Variants in DNAAF11 observed in about 807,000 individuals in gnomAD.
DNAAF11 encodes dynein axonemal assembly factor 11, also known as leucine rich repeat containing 6.
In DNAAF11, 45 loss-of-function variants were observed where a neutral mutation model predicts 60.8. The ratio of observed to expected loss-of-function variants is 0.74; its 90% CI spans 0.58 to 0.95. The LOEUF (loss-of-function observed/expected upper bound fraction) is 0.95, where lower values mean the gene tolerates loss of function less well. Ranked by LOEUF, DNAAF11 falls within the 40% of genes least tolerant of loss-of-function variation. The pLI is 0.00. For missense variants in DNAAF11, 546 were observed against 546.2 expected (o/e 1.00, Z 0.00); for synonymous variants, 191 against 183.5 (o/e 1.04, Z -0.33).
At chr8:132,583,568 C>A in intron 11 of DNAAF11, 126 bp downstream of exon 11, 1 of 723,680 alleles carries the variant, frequency 1.4e-6, no homozygotes, top group Non-Finnish European at 2.4e-6. Context: ...TAAACATTAA[C>A]ATTCATGGTA....
intron 10 of DNAAF11, among the ~76,000 whole-genome samples, chr8:132,594,867 C>A (rs752583758): frequency 1.3e-5 from 2 of 152,078 alleles, no homozygotes; most frequent in Non-Finnish European, 2.9e-5. Context: ...AGTGTGAGAA[C>A]GGACTAACAA....
intron 5 of DNAAF11, among the ~76,000 whole-genome samples, chr8:132,626,794 C>T (rs959680846): frequency 1.3e-5 from 2 of 152,136 alleles, no homozygotes; most frequent in African/African-American, 2.4e-5. Flanking sequence ...ATAGTAGGTA[C>T]TCAATACATG....
intron 5 of DNAAF11, among the ~76,000 whole-genome samples, chr8:132,630,737 C>A (rs1029439460): frequency 3.3e-5 from 5 of 151,934 alleles, no homozygotes; most frequent in East Asian, 3.9e-4. Context: ...ATAGAGGATA[C>A]CTGAATAACC....
chr8:132,681,011 T>TTTTTTTC, the DNAAF11 span, among the ~76,000 whole-genome samples: 1 of 106,354 alleles, frequency 9.4e-6, no homozygotes, highest in South Asian at 3.7e-4. Flanking sequence ...TCCTTTTTTT[T>TTTTTTTC]TTTTTTTTTT....
At chr8:132,635,129 C>T (rs1040166182) in intron 4 of DNAAF11, among the ~76,000 whole-genome samples, 3 of 152,150 alleles carry the variant, frequency 2.0e-5, no homozygotes, top group Non-Finnish European at 4.4e-5. Context: ...CTAGGAACCT[C>T]ACTTTTTTAG....
At chr8:132,675,580 C>T (rs1372476126), upstream of DNAAF11, 5 of 1,375,364 alleles carry the variant, frequency 3.6e-6, no homozygotes, top group Admixed American at 4.9e-5. Flanking sequence ...CTCAGCGCGT[C>T]CCCGTCGGAA....
intron 1 of DNAAF11, 100 bp from the exon 2 acceptor site, chr8:132,661,727 A>G (rs756528452): frequency 9.5e-6 from 12 of 1,261,246 alleles, no homozygotes; most frequent in Non-Finnish European, 1.4e-5. Flanking sequence ...TTGTTTTTGC[A>G]GTTGAATGTC....
At chr8:132,679,802 A>T (rs1825839206), upstream of DNAAF11, among the ~76,000 whole-genome samples, 1 of 152,158 alleles carries the variant, frequency 6.6e-6, no homozygotes, top group South Asian at 2.1e-4. Flanking sequence ...GTAAGACATG[A>T]CTTGCTCTTC....
chr8:132,642,174 T>C (rs1821923238), intron 3 of DNAAF11, among the ~76,000 whole-genome samples: 1 of 152,240 alleles, frequency 6.6e-6, no homozygotes, highest in African/African-American at 2.4e-5. Flanking sequence ...GTTGTAAGTA[T>C]GCTCCAGGTA....
upstream of DNAAF11, among the ~76,000 whole-genome samples, chr8:132,676,887 T>C (rs577058535): frequency 3.9e-5 from 6 of 152,266 alleles, no homozygotes; most frequent in South Asian, 1.2e-3. Context: ...CAAGGAGGCC[T>C]CCCAAAAGGC....
chr8:132,670,116 A>T (rs1415670760), intron 1 of DNAAF11, among the ~76,000 whole-genome samples: 1 of 152,094 alleles, frequency 6.6e-6, no homozygotes, highest in Non-Finnish European at 1.5e-5. Flanking sequence ...GAACAAATTA[A>T]ACCCAAAATA....
intron 3 of DNAAF11, among the ~76,000 whole-genome samples, chr8:132,653,414 A>G (rs1022714844): frequency 3.3e-5 from 5 of 152,112 alleles, no homozygotes; most frequent in African/African-American, 1.2e-4. Context: ...CTGAAATGAA[A>G]AGACACTAGG....
chr8:132,632,988 T>A, intron 4 of DNAAF11, 25 bp from the exon 5 acceptor site: 2 of 1,524,052 alleles, frequency 1.3e-6, no homozygotes, highest in Non-Finnish European at 1.8e-6. Context: ...ATAAATATAG[T>A]ACAATTGTTC....
upstream of DNAAF11, among the ~76,000 whole-genome samples, chr8:132,676,629 A>C (rs768137085): frequency 1.4e-5 from 2 of 142,070 alleles, no homozygotes; most frequent in Admixed American, 6.6e-5. Flanking sequence ...GCTGGCAATT[A>C]TTAGAGTTTG....
At chr8:132,637,632 A>T (rs989651248) in intron 4 of DNAAF11, among the ~76,000 whole-genome samples, 2 of 152,146 alleles carry the variant, frequency 1.3e-5, no homozygotes, top group African/African-American at 4.8e-5. Context: ...GTAATAATGA[A>T]TTCTTATCAG....
At chr8:132,617,439 C>A (rs908512197) in intron 7 of DNAAF11, among the ~76,000 whole-genome samples, 2 of 152,158 alleles carry the variant, frequency 1.3e-5, no homozygotes, top group African/African-American at 4.8e-5. Context: ...CATGATTTGG[C>A]TCTCTGTCTG....
chr8:132,648,732 C>T (rs1395701531), intron 3 of DNAAF11, among the ~76,000 whole-genome samples: 2 of 151,968 alleles, frequency 1.3e-5, no homozygotes, highest in African/African-American at 4.8e-5. Context: ...AAACAGAGAG[C>T]CAAATCATGA....
At chr8:132,672,882 C>T (rs1191835720) in intron 1 of DNAAF11, among the ~76,000 whole-genome samples, 1 of 152,138 alleles carries the variant, frequency 6.6e-6, no homozygotes, top group African/African-American at 2.4e-5. Context: ...CAATGTTCCC[C>T]TCCTCATCTC....
upstream of DNAAF11, chr8:132,675,602 T>C (rs550216271): frequency 5.3e-5 from 64 of 1,207,742 alleles, no homozygotes; most frequent in Admixed American, 1.5e-3. Context: ...TCAGGAGCCA[T>C]GGCAACGGGG....
Sources: allele counts gnomAD v4.1 joint callset (sites outside exome capture counted in the v4.1 genomes callset), GRCh38; gene constraint gnomAD v4.1.1; transcripts MANE v1.5; gene names NCBI Gene and HGNC (gene_info 2026-07-23, HGNC 2026-07-21).